The following CAMK2D variants were observed in gnomAD, a reference collection of about 807,000 sequenced individuals.
The protein encoded by CAMK2D is calcium/calmodulin-dependent protein kinase type II subunit delta.
Under a neutral mutation model 84.0 loss-of-function variants are expected in CAMK2D, and 37 were observed. That is an observed-to-expected ratio of 0.44 (90% CI 0.34 to 0.58). The LOEUF (loss-of-function observed/expected upper bound fraction) is 0.58. Among genes scored for constraint, CAMK2D ranks in the 20% least tolerant of loss-of-function variants. The pLI is 0.02. For synonymous variants in CAMK2D, 202 were observed against 212.5 expected (o/e 0.95, Z 0.43); for missense variants, 448 against 652.5 (o/e 0.69, Z 3.41).
At chr4:113,494,962 G>A (rs755193699) in intron 16 of CAMK2D, among the ~76,000 whole-genome samples, 31 of 152,146 alleles carry the variant, frequency 2.0e-4, no homozygotes, top group Non-Finnish European at 2.2e-4. Context: ...GACCCCTTGC[G>A]CTTCCCAAGT....
rs1377186503 is a variant in CAMK2D, at chr4:113,596,373, G to T, written c.275+12779C>A. Among the ~76,000 whole-genome samples, 5 of 152,064 alleles carry T rather than the reference G, an allele frequency of 3.3e-5. No homozygotes were observed. The South Asian group carries it at 1.0e-3, about 31-fold the overall frequency. ...GTTAATGTTGTTATTTTTACCTCCT[G>T]CCATGAATAAGTAATGTTCTTAAAT... On this transcript the variant is annotated intron_variant, in intron 4 of 20. Transcript: ENST00000511664.
At chr4:113,718,948 T>A (rs2099522058) in intron 2 of CAMK2D, among the ~76,000 whole-genome samples, 1 of 151,960 alleles carries the variant, frequency 6.6e-6, no homozygotes, top group Non-Finnish European at 1.5e-5. Flanking sequence ...CTACTAAATA[T>A]TAAGAAAAAA....
intron 18 of CAMK2D, 62 bp from the exon 19 acceptor site, chr4:113,457,625 A>G: frequency 7.8e-7 from 1 of 1,288,236 alleles, no homozygotes; most frequent in Non-Finnish European, 1.1e-6. Context: ...TAAAACCAGT[A>G]ATAACTTCAG....
Position 113,636,896 on chromosome 4 carries a change from G to A in CAMK2D, c.220+24817C>T, listed in dbSNP as rs537164714. ...CAATCCCACTCAGATGGAAAGTAAA[G>A]GTCTTCACAATGACCTAGGGCCCCT... On this transcript the variant is annotated intron_variant, in intron 3 of 20. Coordinates refer to ENST00000511664, the MANE Select transcript of CAMK2D (RefSeq NM_001321571.2). Among the ~76,000 whole-genome samples, 52 of 152,244 alleles carry A rather than the reference G, an allele frequency of 3.4e-4. 1 individual carries two copies. The South Asian group carries it at 0.011, about 32-fold the overall frequency.
chr4:113,652,610 C>G (rs1027050682), intron 3 of CAMK2D, among the ~76,000 whole-genome samples: 2 of 152,058 alleles, frequency 1.3e-5, no homozygotes, highest in Admixed American at 6.6e-5. Flanking sequence ...CAAGCCCCAA[C>G]AAAACAAAGT....
chr4:113,465,186 C>A (rs1034044616), intron 17 of CAMK2D, among the ~76,000 whole-genome samples: 1 of 152,112 alleles, frequency 6.6e-6, no homozygotes, highest in Admixed American at 6.5e-5. Flanking sequence ...GTGTGCACCA[C>A]TATGCCTGAC....
intron 2 of CAMK2D, among the ~76,000 whole-genome samples, chr4:113,668,596 G>C (rs1401188619): frequency 1.3e-5 from 2 of 151,998 alleles, no homozygotes; most frequent in Non-Finnish European, 2.9e-5. Context: ...TATTTTACAT[G>C]TATCCTATTA....
chr4:113,745,624 T>C (rs976192509), intron 2 of CAMK2D, among the ~76,000 whole-genome samples: 1 of 152,204 alleles, frequency 6.6e-6, no homozygotes, highest in African/African-American at 2.4e-5. Context: ...TCCTCATTAA[T>C]AGTAGATATA....
intron 2 of CAMK2D, among the ~76,000 whole-genome samples, chr4:113,706,186 T>C (rs2099454171): frequency 6.6e-6 from 1 of 152,194 alleles, no homozygotes; most frequent in African/African-American, 2.4e-5. Context: ...ACTGAACTAG[T>C]ATTATTAAAC....
chr4:113,499,412 A>T (rs2097997214), intron 16 of CAMK2D, among the ~76,000 whole-genome samples: 1 of 152,050 alleles, frequency 6.6e-6, no homozygotes, highest in African/African-American at 2.4e-5. Flanking sequence ...AAAAGGAAAA[A>T]GTCAGCAGAG....
chr4:113,672,841 C>T (rs2099296823), intron 2 of CAMK2D, among the ~76,000 whole-genome samples: 1 of 151,842 alleles, frequency 6.6e-6, no homozygotes, highest in Admixed American at 6.6e-5. Flanking sequence ...ACTACTGAGT[C>T]AAGATGTTTA....
intron 2 of CAMK2D, among the ~76,000 whole-genome samples, chr4:113,743,717 T>C (rs1313446355): frequency 6.6e-6 from 1 of 152,224 alleles, no homozygotes; most frequent in Admixed American, 6.5e-5. Context: ...TATCAGTCCT[T>C]CTCTTCCTTA....
At chr4:113,469,474 A>G (rs1198586799) in intron 16 of CAMK2D, among the ~76,000 whole-genome samples, 1 of 152,084 alleles carries the variant, frequency 6.6e-6, no homozygotes, top group Non-Finnish European at 1.5e-5. Flanking sequence ...CCTTCTAAAG[A>G]CTCAATTTGA....
At chr4:113,648,081 T>G (rs948037652) in intron 3 of CAMK2D, among the ~76,000 whole-genome samples, 2 of 152,216 alleles carry the variant, frequency 1.3e-5, no homozygotes, top group African/African-American at 4.8e-5. Flanking sequence ...TAGTTAAAAT[T>G]TATAGTCTTC....
At chr4:113,628,412 A>C (rs933275824) in intron 3 of CAMK2D, among the ~76,000 whole-genome samples, 3 of 152,186 alleles carry the variant, frequency 2.0e-5, no homozygotes, top group African/African-American at 7.2e-5. Flanking sequence ...TATAAGCTAT[A>C]ATTAACATTA....
At chr4:113,506,562 A>ATGTT (rs1470290244) in intron 13 of CAMK2D, among the ~76,000 whole-genome samples, 5 of 152,216 alleles carry the variant, frequency 3.3e-5, no homozygotes, top group African/African-American at 1.2e-4. Flanking sequence ...TTCAGTATTT[A>ATGTT]TGTTAGTACA....
chr4:113,585,358 T>C (rs1002693538), intron 4 of CAMK2D, among the ~76,000 whole-genome samples: 15 of 152,194 alleles, frequency 9.9e-5, no homozygotes, highest in Non-Finnish European at 2.1e-4. Context: ...CTTCACTCGT[T>C]GTCCTTCCCC....
intron 16 of CAMK2D, among the ~76,000 whole-genome samples, chr4:113,472,920 G>A (rs1334330938): frequency 6.6e-6 from 1 of 152,100 alleles, no homozygotes; most frequent in Non-Finnish European, 1.5e-5. Context: ...GTACTTGGCT[G>A]TCAGAGACTT....
At chr4:113,511,425 T>C (rs539041288) in intron 12 of CAMK2D, among the ~76,000 whole-genome samples, 3 of 152,318 alleles carry the variant, frequency 2.0e-5, no homozygotes, top group African/African-American at 7.2e-5. Context: ...AAAAAGCTTC[T>C]ATATATGGGT....
Sources: gnomAD v4.1 joint callset for allele counts (sites outside exome capture counted in the v4.1 genomes callset) on GRCh38, gnomAD v4.1.1 for gene constraint, MANE v1.5 for transcripts, NCBI Gene and HGNC (gene_info 2026-07-23, HGNC 2026-07-21) for gene names.